The following PHTF2 variants were observed in gnomAD, a reference collection of about 807,000 sequenced individuals.
PHTF2 encodes protein PHTF2.
A neutral mutation model predicts 101.2 loss-of-function variants in PHTF2; 60 were observed. The ratio of observed to expected loss-of-function variants is 0.59; its 90% CI spans 0.48 to 0.73. The LOEUF (loss-of-function observed/expected upper bound fraction) is 0.73, where lower values mean the gene tolerates loss of function less well. Ranked by LOEUF, PHTF2 falls within the 30% of genes least tolerant of loss-of-function variation. The pLI, the probability that PHTF2 is intolerant of heterozygous loss-of-function variation, is 0.00. For synonymous variants in PHTF2, 311 were observed against 307.3 expected (o/e 1.01, Z -0.13); for missense variants, 747 against 908.7 (o/e 0.82, Z 2.29).
intron 12 of PHTF2, among the ~76,000 whole-genome samples, chr7:77,934,719 G>A (rs1021906672): frequency 1.2e-4 from 18 of 152,130 alleles, no homozygotes; most frequent in Non-Finnish European, 7.4e-5. Flanking sequence ...AGGCCAAGGC[G>A]GGTGGATTAC....
At chr7:77,957,387 T>C (rs539555238) in exon 20 of PHTF2, 2 of 152,364 alleles carry the variant, frequency 1.3e-5, no homozygotes, top group Admixed American at 1.3e-4. Flanking sequence ...GAAAGAATAA[T>C]ACACAGGTTT....
intron 3 of PHTF2, among the ~76,000 whole-genome samples, chr7:77,858,649 C>CTT (rs34405628): frequency 4.7e-5 from 6 of 127,714 alleles, no homozygotes; most frequent in Non-Finnish European, 5.1e-5. Context: ...GAAGTATACA[C>CTT]TTTTTTTTTT....
Position 77,853,684 on chromosome 7 carries a change from G to A in PHTF2, c.46-1049G>A, listed in dbSNP as rs186416539. Reference sequence around the variant, plus strand: ...GTTGGGATTACAGGTATGAGCCACCGTGCCTGGCCACTCAGCTCTAGATTT... The same window carrying A: ...GTTGGGATTACAGGTATGAGCCACCATGCCTGGCCACTCAGCTCTAGATTT... On this transcript the variant is annotated intron_variant, in intron 2 of 19. Coordinates refer to ENST00000416283, the Ensembl canonical transcript of PHTF2. 2.5e-3 allele frequency among the ~76,000 whole-genome samples: 384 copies of A among 152,006 alleles called. 1 individual carries two copies. Among genetic ancestry groups the A allele is most frequent in the Non-Finnish European group, 4.7e-3 (317 of 67,962 alleles).
At chr7:77,951,145 A>G (rs1053652201) in intron 17 of PHTF2, among the ~76,000 whole-genome samples, 1 of 152,226 alleles carries the variant, frequency 6.6e-6, no homozygotes, top group Non-Finnish European at 1.5e-5. Flanking sequence ...GTGACTTTCA[A>G]ATAAATCATA....
At chr7:77,932,588 GAGAGAGAGAGAGAA>G (rs1202389498) in intron 12 of PHTF2, among the ~76,000 whole-genome samples, 2,375 of 130,690 alleles carry the variant, frequency 0.018, 22 homozygotes, top group East Asian at 0.046. Context: ...GAAAGAGGAA[GAGAGAGAGAGAGAA>G]AGAGAGAGAG....
chr7:77,906,043 C>T (rs1017707556), intron 7 of PHTF2, among the ~76,000 whole-genome samples: 3 of 152,098 alleles, frequency 2.0e-5, no homozygotes, highest in African/African-American at 7.2e-5. Context: ...AGTGCATGAT[C>T]TCAGCATGAT....
At chr7:77,858,338 A>T (rs985481247) in intron 3 of PHTF2, among the ~76,000 whole-genome samples, 1 of 152,198 alleles carries the variant, frequency 6.6e-6, no homozygotes, top group African/African-American at 2.4e-5. Context: ...TTACAAGGAA[A>T]AAAGAAACTA....
intron 11 of PHTF2, chr7:77,923,891 A>T: frequency 1.0e-6 from 1 of 973,086 alleles, no homozygotes; most frequent in Non-Finnish European, 1.2e-6. Flanking sequence ...AGCGCAGAAC[A>T]TTATTCTACC....
chr7:77,836,119 CAAAAAAAA>C (rs1210225270), intron 1 of PHTF2, among the ~76,000 whole-genome samples: 2 of 64,492 alleles, frequency 3.1e-5, no homozygotes, highest in Non-Finnish European at 6.4e-5. Context: ...AACTCCATCT[CAAAAAAAA>C]AAAAAAAAAA....
At chr7:77,814,863 T>C (rs1372074384) in intron 1 of PHTF2, among the ~76,000 whole-genome samples, 3 of 151,650 alleles carry the variant, frequency 2.0e-5, no homozygotes. Context: ...TTACTGGAGG[T>C]TGGAAGTTCA....
chr7:77,866,012 T>C (rs998813069), intron 3 of PHTF2, among the ~76,000 whole-genome samples: 1 of 151,952 alleles, frequency 6.6e-6, no homozygotes, highest in African/African-American at 2.4e-5. Context: ...GGTGAAACCA[T>C]GTCTCTACTA....
At chr7:77,891,774 A>C (rs1800436774) in intron 3 of PHTF2, among the ~76,000 whole-genome samples, 1 of 151,742 alleles carries the variant, frequency 6.6e-6, no homozygotes, top group African/African-American at 2.4e-5. Context: ...TTTTGTAGAG[A>C]CAGGTCTCAC....
At chr7:77,846,587 GCCTCCCCTCGCCTCCCTTCC>G (rs1796309936) in intron 2 of PHTF2, among the ~76,000 whole-genome samples, 1 of 30,776 alleles carries the variant, frequency 3.2e-5, no homozygotes, top group African/African-American at 1.3e-4. Flanking sequence ...GCCTCCCCTC[GCCTCCCCTCGCCTCCCTTCC>G]CCTCCCTTCC....
intron 11 of PHTF2, among the ~76,000 whole-genome samples, chr7:77,926,355 G>T (rs1028349400): frequency 3.3e-5 from 5 of 152,138 alleles, no homozygotes; most frequent in Non-Finnish European, 7.4e-5. Context: ...AGAGCAGAGT[G>T]ATTTTTGTCC....
At chr7:77,880,715 C>T (rs1799337884) in intron 3 of PHTF2, among the ~76,000 whole-genome samples, 1 of 152,106 alleles carries the variant, frequency 6.6e-6, no homozygotes, top group African/African-American at 2.4e-5. Context: ...GCTTTAGGCC[C>T]CCATGGTTCT....
At chr7:77,906,209 A>T (rs1801843754) in intron 7 of PHTF2, 1 of 152,230 alleles carries the variant, frequency 6.6e-6, no homozygotes, top group East Asian at 1.9e-4. Flanking sequence ...GCTGGTCTCA[A>T]ACTCCTGACC....
intron 5 of PHTF2, chr7:77,895,949 T>G (rs1227469824): frequency 3.3e-5 from 5 of 152,170 alleles, no homozygotes; most frequent in Non-Finnish European, 5.9e-5. Flanking sequence ...AGTCCTTGTT[T>G]CACTCTTTCC....
At chr7:77,857,013 A>G (rs921304060) in intron 3 of PHTF2, among the ~76,000 whole-genome samples, 1 of 152,202 alleles carries the variant, frequency 6.6e-6, no homozygotes, top group Non-Finnish European at 1.5e-5. Context: ...AATATCTCTA[A>G]TGACCATGTT....
At chr7:77,933,351 G>A (rs562132801) in intron 12 of PHTF2, among the ~76,000 whole-genome samples, 2 of 152,328 alleles carry the variant, frequency 1.3e-5, no homozygotes, top group East Asian at 3.8e-4. Context: ...TTGTTAGATT[G>A]AGAAGGAAAT....
Sources: allele counts gnomAD v4.1 joint callset (sites outside exome capture counted in the v4.1 genomes callset), GRCh38; gene constraint gnomAD v4.1.1; transcripts MANE v1.5; gene names NCBI Gene and HGNC (gene_info 2026-07-23, HGNC 2026-07-21).